Variants in PCDHGA1 observed in about 807,000 individuals in gnomAD.
PCDHGA1 encodes protocadherin gamma subfamily A, 1.
A neutral mutation model predicts 58.0 loss-of-function variants in PCDHGA1; 32 were observed. The observed-to-expected ratio is 0.55, with a 90% confidence interval of 0.42 to 0.74. PCDHGA1 has a LOEUF of 0.74. Among genes scored for constraint, PCDHGA1 ranks in the 30% least tolerant of loss-of-function variants. PCDHGA1 has a pLI of 0.00. For synonymous variants in PCDHGA1, 498 were observed against 501.1 expected (o/e 0.99, Z 0.08); for missense variants, 1,205 against 1,182.3 (o/e 1.02, Z -0.28).
At chr5:141,352,650 A>G (rs1299290167) in intron 1 of PCDHGA1, 2 of 1,602,438 alleles carry the variant, frequency 1.2e-6, no homozygotes, top group Non-Finnish European at 1.7e-6. Context: ...ATCGCTTATG[A>G]CCCTTCTTTG....
chr5:141,511,428 G>T lies in PCDHGA1; in HGVS notation c.*255G>T. 1 of 769,024 alleles carries T rather than the reference G, an allele frequency of 1.3e-6. No homozygotes were observed. The highest frequency in any genetic ancestry group is 2.0e-6 in the Non-Finnish European group (1 of 504,448). 47.6% of individuals were successfully genotyped at this position (769,024 alleles called of 1,614,324 possible). ...ACTGCTGTACCCATGGGGGTAGTGG[G>T]GTTACTGTAGACACCAAGAACCATT... On this transcript the variant is annotated 3_prime_UTR_variant, in exon 4 of 4. Transcript: ENST00000517417.
At chr5:141,435,435 T>G (rs2097763289) in intron 1 of PCDHGA1, among the ~76,000 whole-genome samples, 1 of 152,212 alleles carries the variant, frequency 6.6e-6, no homozygotes. Context: ...TGTTATGCAT[T>G]TCATTAATAC....
rs1756407670 is a variant in PCDHGA1 at position 141,332,434 on chromosome 5, C to G, written c.1750C>G (p.Pro584Ala). ...GVELAPLSAE[P>A]GYLVTKVVAV... ...GGAGCTGGCGCCCCTCTCCGCAGAGCCCGGCTACCTGGTGACCAAGGTGGT... is the reference window on the plus strand; with the variant it reads ...GGAGCTGGCGCCCCTCTCCGCAGAGGCCGGCTACCTGGTGACCAAGGTGGT... The change falls in exon 1 of 4, where the codon CCC becomes GCC. Residue 584 changes from proline to alanine, a missense_variant. Coordinates refer to ENST00000517417, the MANE Select transcript of PCDHGA1 (RefSeq NM_018912.3). This position sits in a 1 kb window ranked among gnomAD's most constrained non-coding sequence, Gnocchi z 4.6. 1 of 1,614,060 alleles carries G rather than the reference C, an allele frequency of 6.2e-7. No individual in the cohort carries two copies. Among genetic ancestry groups the G allele is most frequent in the Non-Finnish European group, 8.5e-7 (1 of 1,180,046 alleles).
chr5:141,434,092 A>C (rs1333686339), intron 1 of PCDHGA1, among the ~76,000 whole-genome samples: 1 of 152,172 alleles, frequency 6.6e-6, no homozygotes, highest in Non-Finnish European at 1.5e-5. Context: ...TTTGATGCTG[A>C]AATTGTCCCA....
rs967436443 is a variant in PCDHGA1 at position 141,400,001 on chromosome 5, C to G, written c.2421+66896C>G. On this transcript the variant is annotated intron_variant, in intron 1 of 3. Transcript: ENST00000517417. ...CTGCGCACAGGAGAGGTGCGCACAG[C>G]GCGTGCCTTGGGCGACAGGGACGCG... 5.0e-6 allele frequency: 8 copies of G among 1,612,262 alleles called. No individual in the cohort carries two copies. In the Admixed American group the frequency reaches 5.0e-5, roughly 10 times the overall value.
chr5:141,414,864 G>A (rs766848727), intron 1 of PCDHGA1: 2 of 1,614,174 alleles, frequency 1.2e-6, no homozygotes, highest in South Asian at 2.2e-5. Context: ...ACGACAATGC[G>A]CCCGAGATCC....
chr5:141,409,251 CTT>C (rs771889477), intron 1 of PCDHGA1: 78 of 1,613,922 alleles, frequency 4.8e-5, no homozygotes, highest in Non-Finnish European at 6.2e-5. Context: ...ATAATCATCA[CTT>C]CTCTCTCTGA....
intron 1 of PCDHGA1, among the ~76,000 whole-genome samples, chr5:141,470,694 ATAATTT>A (rs2099236876): frequency 6.6e-6 from 1 of 151,978 alleles, no homozygotes; most frequent in African/African-American, 2.4e-5. Context: ...GAAATTCTTA[ATAATTT>A]TTATTTTATT....
At position 141,351,512 on chromosome 5, in the gene PCDHGA1, A is replaced by T. The variant is rs1043449165; in HGVS notation, c.2421+18407A>T. The T allele has an allele frequency of 1.8e-5, 29 of 1,614,012 alleles. No homozygotes were observed. Among genetic ancestry groups the T allele is most frequent in the African/African-American group, 2.7e-5 (2 of 75,062 alleles). ...GCAGACAGCAGACTACAACGTCACAATCATAGCCACCGACAAGGGCAAACC... is the reference window on the plus strand; with the variant it reads ...GCAGACAGCAGACTACAACGTCACATTCATAGCCACCGACAAGGGCAAACC... On this transcript the variant is annotated intron_variant, in intron 1 of 3. Coordinates refer to ENST00000517417, the MANE Select transcript of PCDHGA1 (RefSeq NM_018912.3).
chr5:141,494,194 G>A (rs1446357035), intron 1 of PCDHGA1, among the ~76,000 whole-genome samples: 2 of 152,182 alleles, frequency 1.3e-5, no homozygotes, highest in Non-Finnish European at 2.9e-5. Flanking sequence ...GGACTTGGAT[G>A]CCCCGCAAAG....
chr5:141,335,219 G>A (rs1756555464), intron 1 of PCDHGA1, among the ~76,000 whole-genome samples: 1 of 151,690 alleles, frequency 6.6e-6, no homozygotes, highest in Non-Finnish European at 1.5e-5. Flanking sequence ...TTTTTTCTGT[G>A]TATATACAAG....
intron 1 of PCDHGA1, among the ~76,000 whole-genome samples, chr5:141,462,538 C>G (rs565849689): frequency 1.3e-5 from 2 of 152,102 alleles, no homozygotes; most frequent in South Asian, 2.1e-4. Context: ...GTTCAGTGAT[C>G]TTTTCTTCTT....
At chr5:141,418,974 G>A in intron 1 of PCDHGA1, 2 of 1,613,936 alleles carry the variant, frequency 1.2e-6, no homozygotes, top group Non-Finnish European at 1.7e-6. Context: ...TTCAAAACAC[G>A]GGACCAAGAC....
At chr5:141,429,597 G>A (rs937301997) in intron 1 of PCDHGA1, among the ~76,000 whole-genome samples, 2 of 152,094 alleles carry the variant, frequency 1.3e-5, no homozygotes, top group Non-Finnish European at 2.9e-5. Flanking sequence ...TGTAATTCAA[G>A]TAAACTCAAT....
intron 1 of PCDHGA1, chr5:141,421,455 C>G (rs762490406): frequency 6.2e-6 from 10 of 1,614,108 alleles, no homozygotes; most frequent in South Asian, 1.1e-5. Flanking sequence ...CACAGCTTTT[C>G]GCTGTGAATC....
chr5:141,472,307 C>T (rs949288194), intron 1 of PCDHGA1, among the ~76,000 whole-genome samples: 2 of 150,368 alleles, frequency 1.3e-5, no homozygotes, highest in Admixed American at 6.6e-5. Flanking sequence ...TTTGGGAAGC[C>T]GAGGCAGGCA....
At chr5:141,500,877 A>ATT (rs369345007) in intron 2 of PCDHGA1, among the ~76,000 whole-genome samples, 3 of 122,284 alleles carry the variant, frequency 2.5e-5, no homozygotes, top group Admixed American at 2.4e-4. Flanking sequence ...TTCATTTACA[A>ATT]TTTTTTTTTT....
chr5:141,505,246 G>GAAGT, intron 2 of PCDHGA1, 147 bp from the exon 3 acceptor site: 3 of 1,436,674 alleles, frequency 2.1e-6, no homozygotes, highest in Non-Finnish European at 2.8e-6. Context: ...AAGGATTGTA[G>GAAGT]AAGTGCCTCC....
intron 1 of PCDHGA1, among the ~76,000 whole-genome samples, chr5:141,480,753 G>A (rs1418880497): frequency 1.3e-5 from 2 of 152,144 alleles, no homozygotes; most frequent in Non-Finnish European, 2.9e-5. Flanking sequence ...ATCATTTTTT[G>A]AAGGTCCCCA....
Sources: allele counts gnomAD v4.1 joint callset (sites outside exome capture counted in the v4.1 genomes callset), GRCh38; gene constraint gnomAD v4.1.1; non-coding constraint Gnocchi (gnomAD v3.1); transcripts MANE v1.5; gene names NCBI Gene and HGNC (gene_info 2026-07-23, HGNC 2026-07-21).